Variants in SIPA1L3 observed in about 807,000 individuals in gnomAD.
The protein encoded by SIPA1L3 is signal-induced proliferation-associated 1-like protein 3.
In SIPA1L3, 59 loss-of-function variants were observed where a neutral mutation model predicts 150.1. That is an observed-to-expected ratio of 0.39 (90% CI 0.32 to 0.49). The LOEUF (loss-of-function observed/expected upper bound fraction) is 0.49. SIPA1L3 is among the 20% of genes least tolerant of loss of function. The probability of loss-of-function intolerance (pLI) is 0.86; values close to 1 mark genes in which losing one functional copy is unlikely to be tolerated. For missense variants in SIPA1L3, 2,211 were observed against 2,489.5 expected (o/e 0.89, Z 2.38); for synonymous variants, 1,070 against 1,077.6 (o/e 0.99, Z 0.14).
At chr19:37,969,906 C>A (rs1424737862) in intron 1 of SIPA1L3, among the ~76,000 whole-genome samples, 1 of 152,146 alleles carries the variant, frequency 6.6e-6, no homozygotes, top group Non-Finnish European at 1.5e-5. Context: ...TTTAATTACA[C>A]GTTATGTTTG....
chr19:38,003,119 A>G (rs1408828633), intron 1 of SIPA1L3, among the ~76,000 whole-genome samples: 1 of 152,194 alleles, frequency 6.6e-6, no homozygotes, highest in Admixed American at 6.5e-5. Context: ...CAGCCTGGGC[A>G]ACAGAGTGAG....
Position 38,193,748 on chromosome 19 carries a change from C to G in SIPA1L3, c.4808C>G (p.Pro1603Arg), listed in dbSNP as rs769799297. 4.2e-4 allele frequency: 666 copies of G among 1,572,918 alleles called. No individual in the cohort carries two copies. Among genetic ancestry groups the G allele is most frequent in the Non-Finnish European group, 5.2e-4 (602 of 1,168,520 alleles). The change falls in exon 18 of 22, where the codon CCT (proline) becomes CGT (arginine). Residue 1603 changes from proline to arginine, a missense_variant. Transcript: ENST00000222345. ...CCGCCCGTCGGCCCCGGTGCCACCC[C>G]TGCCGCCGGCAGCGGCTTTCCCGAG... ...PHPPVGPGAT[P>R]AAGSGFPEKK...
intron 6 of SIPA1L3, among the ~76,000 whole-genome samples, chr19:38,101,925 G>A (rs59656157): frequency 0.017 from 2,531 of 152,314 alleles, 79 homozygotes; most frequent in African/African-American, 0.058. Context: ...AGATGAACTG[G>A]CACCACAGGC....
chr19:38,162,452 T>G, intron 14 of SIPA1L3, 81 bp downstream of exon 14: 1 of 1,022,126 alleles, frequency 9.8e-7, no homozygotes, highest in Non-Finnish European at 1.5e-6. Context: ...CTTGAGCACA[T>G]CCTCAACCTC....
chr19:38,100,682 A>G (rs552432334), intron 5 of SIPA1L3, among the ~76,000 whole-genome samples: 8 of 152,344 alleles, frequency 5.3e-5, no homozygotes, highest in Admixed American at 4.6e-4. Context: ...TATTGACTAT[A>G]AGCCTTGAGC....
At chr19:38,083,402 A>G (rs1600036821) in intron 3 of SIPA1L3, among the ~76,000 whole-genome samples, 1 of 152,276 alleles carries the variant, frequency 6.6e-6, no homozygotes, top group Admixed American at 6.5e-5. Flanking sequence ...CTGGGGATGT[A>G]GTATCAACCA....
intron 13 of SIPA1L3, among the ~76,000 whole-genome samples, chr19:38,156,761 G>T (rs1445191055): frequency 6.6e-6 from 1 of 152,138 alleles, no homozygotes; most frequent in Non-Finnish European, 1.5e-5. Flanking sequence ...GGAGACAGAG[G>T]TTGCAGTGAG....
At chr19:38,189,954 C>A (rs1042215218) in intron 16 of SIPA1L3, among the ~76,000 whole-genome samples, 1 of 152,114 alleles carries the variant, frequency 6.6e-6, no homozygotes, top group Non-Finnish European at 1.5e-5. Context: ...ATCTGCCATG[C>A]GTCTCTGGAG....
chr19:37,929,562 A>G (rs1030377873), intron 1 of SIPA1L3, among the ~76,000 whole-genome samples: 1 of 152,170 alleles, frequency 6.6e-6, no homozygotes, highest in African/African-American at 2.4e-5. Context: ...GAGTTGGGTG[A>G]TGAGGCAGCA....
chr19:38,106,320 T>G (rs944520227), intron 6 of SIPA1L3: 8 of 436,022 alleles, frequency 1.8e-5, no homozygotes, highest in African/African-American at 1.2e-4. Context: ...TTGGCCAGGC[T>G]GGTCTCGAAC....
chr19:38,206,562 G>C lies in SIPA1L3; in HGVS notation c.*322G>C, dbSNP rs904496320. 4.1e-6 allele frequency: 1 copy of C among 241,180 alleles called. No homozygotes were observed. The highest frequency in any genetic ancestry group is 7.9e-6 in the Non-Finnish European group (1 of 126,070). The allele number at this position is 241,180 out of a possible 1,614,324, so 14.9% of individuals were successfully genotyped here. On this transcript the variant is annotated 3_prime_UTR_variant, in exon 22 of 22. Transcript: ENST00000222345. ...AGCCTCTTCCTGGGACCAGCCCTTC[G>C]AAGCTGATGGGGACGGAGAGAGGAG... is the stretch of plus-strand genomic sequence containing the variant.
chr19:38,112,080 T>C (rs944358714), intron 8 of SIPA1L3, among the ~76,000 whole-genome samples: 1 of 100,274 alleles, frequency 1.0e-5, no homozygotes, highest in Admixed American at 9.5e-5. Flanking sequence ...ACACCATGCG[T>C]CCGCACATGC....
intron 1 of SIPA1L3, among the ~76,000 whole-genome samples, chr19:37,925,009 A>G (rs2046490282): frequency 6.6e-6 from 1 of 151,250 alleles, no homozygotes; most frequent in Non-Finnish European, 1.5e-5. Flanking sequence ...AGATCACACC[A>G]CTGCACTCCA....
At chr19:38,172,982 G>A (rs187658295) in intron 15 of SIPA1L3, among the ~76,000 whole-genome samples, 33 of 152,014 alleles carry the variant, frequency 2.2e-4, no homozygotes, top group Middle Eastern at 3.4e-3. Flanking sequence ...CACGCATGTT[G>A]TCCCAGCTAC....
At chr19:38,018,186 C>T (rs1267346743) in intron 1 of SIPA1L3, among the ~76,000 whole-genome samples, 2 of 79,800 alleles carry the variant, frequency 2.5e-5, no homozygotes, top group Non-Finnish European at 4.4e-5. Context: ...TTTTTTTAGG[C>T]AGAGTCTTGC....
chr19:38,205,867 G>A (rs1482643432), intron 21 of SIPA1L3, among the ~76,000 whole-genome samples: 1 of 152,222 alleles, frequency 6.6e-6, no homozygotes, highest in Non-Finnish European at 1.5e-5. Context: ...CTACATAGAT[G>A]AGCTCCAGAC....
intron 2 of SIPA1L3, among the ~76,000 whole-genome samples, chr19:38,030,642 A>ATATATATATATATATATATG (rs1555778714): frequency 2.4e-4 from 18 of 75,354 alleles, no homozygotes; most frequent in African/African-American, 6.7e-4. Context: ...ATATATATAT[A>ATATATATATATATATATATG]TATATATATG....
intron 1 of SIPA1L3, among the ~76,000 whole-genome samples, chr19:37,968,220 G>A (rs568829976): frequency 6.6e-6 from 1 of 152,184 alleles, no homozygotes; most frequent in Admixed American, 6.6e-5. Context: ...TTACAGGCAC[G>A]CGCTGCCATG....
At chr19:38,170,346 G>A (rs963715883) in intron 15 of SIPA1L3, among the ~76,000 whole-genome samples, 1 of 152,204 alleles carries the variant, frequency 6.6e-6, no homozygotes, top group Non-Finnish European at 1.5e-5. Flanking sequence ...GGCCACACGT[G>A]CCTCTGCCTC....
Sources: gnomAD v4.1 joint callset for allele counts (sites outside exome capture counted in the v4.1 genomes callset) on GRCh38, gnomAD v4.1.1 for gene constraint, MANE v1.5 for transcripts, NCBI Gene and HGNC (gene_info 2026-07-23, HGNC 2026-07-21) for gene names.